Variants in BACH2 observed in about 807,000 individuals in gnomAD.
BACH2 encodes BACH transcriptional regulator 2.
BACH2 carries 5 observed loss-of-function variants against 61.8 expected under a neutral mutation model. The observed-to-expected ratio is 0.08, with a 90% confidence interval of 0.04 to 0.17. The LOEUF (loss-of-function observed/expected upper bound fraction) is 0.17, where lower values mean the gene tolerates loss of function less well. BACH2 is among the 10% of genes least tolerant of loss of function. BACH2 has a pLI of 1.00. For missense variants in BACH2, 824 were observed against 1,091.1 expected (o/e 0.76, Z 3.45); for synonymous variants, 446 against 440.1 (o/e 1.01, Z -0.17).
Position 89,929,776 on chromosome 6 carries a change from A to C in BACH2, c.*2632T>G, listed in dbSNP as rs978725474. 1 of 152,362 alleles carries C rather than the reference A, an allele frequency of 6.6e-6. No homozygotes were observed. Among genetic ancestry groups the C allele is most frequent in the Non-Finnish European group, 1.5e-5 (1 of 68,040 alleles). 9.4% of individuals were successfully genotyped at this position (152,362 alleles called of 1,614,324 possible). On this transcript the variant is annotated 3_prime_UTR_variant, in exon 9 of 9. Coordinates refer to ENST00000257749, the MANE Select transcript of BACH2 (RefSeq NM_021813.4). ...GAATGTGGTCAAGACTACCAGTTGCACATGAGTTGTTACCAGGGTAAACCT... is the reference window on the plus strand; with the variant it reads ...GAATGTGGTCAAGACTACCAGTTGCCCATGAGTTGTTACCAGGGTAAACCT...
In BACH2 at chr6:89,929,426, G is replaced by A. The variant is rs904600230; in HGVS notation, c.*2982C>T. On this transcript the variant is annotated 3_prime_UTR_variant, in exon 9 of 9. Transcript: ENST00000257749. Reference sequence around the variant, plus strand: ...ATCAACCCAGAAATAATTTTGACAAGCACATAGTTCTGAATAGGAAAAGAC... The same window carrying A: ...ATCAACCCAGAAATAATTTTGACAAACACATAGTTCTGAATAGGAAAAGAC... 6.6e-6 allele frequency: 1 copy of A among 152,314 alleles called. No individual in the cohort carries two copies. The highest frequency in any genetic ancestry group is 6.5e-5 in the Admixed American group (1 of 15,272). The allele number at this position is 152,314 out of a possible 1,614,324, so 9.4% of individuals were successfully genotyped here. A position where few individuals can be genotyped will look rare whatever the true frequency, so the allele number is the denominator to read the frequency against.
chr6:89,951,982 G>A lies in BACH2; in HGVS notation c.244-120C>T. 2 of 1,207,044 alleles carry A rather than the reference G, an allele frequency of 1.7e-6. No homozygotes were observed. The highest frequency in any genetic ancestry group is 2.3e-6 in the Non-Finnish European group (2 of 868,460). The allele number at this position is 1,207,044 out of a possible 1,614,324, so 74.8% of individuals were successfully genotyped here. ...GTCCCAGAATAAAGACTGCAAAGGG[G>A]CAGTTAATCTTGTAGTACTGGGTCA... On this transcript the variant is annotated intron_variant, in intron 6 of 8. Transcript: ENST00000257749. This position sits in a 1 kb window ranked among gnomAD's most constrained non-coding sequence, Gnocchi z 6.4.
chr6:89,944,958 T>C (rs1773642709), intron 7 of BACH2, among the ~76,000 whole-genome samples: 1 of 152,042 alleles, frequency 6.6e-6, no homozygotes, highest in Non-Finnish European at 1.5e-5. Context: ...CTATAAACCA[T>C]AATGAGATAA....
chr6:90,073,949 G>A (rs1781360497), intron 5 of BACH2, among the ~76,000 whole-genome samples: 1 of 152,126 alleles, frequency 6.6e-6, no homozygotes, highest in African/African-American at 2.4e-5. Flanking sequence ...AAAGGGACTT[G>A]ACAAAAACGG....
chr6:89,962,292 T>G (rs1026785541), intron 6 of BACH2, among the ~76,000 whole-genome samples: 6 of 152,188 alleles, frequency 3.9e-5, no homozygotes, highest in Admixed American at 3.3e-4. Context: ...TTTTTCTCAC[T>G]TTTCAGTCTT....
chr6:89,987,492 T>C (rs1025367475), intron 6 of BACH2, among the ~76,000 whole-genome samples: 1 of 152,160 alleles, frequency 6.6e-6, no homozygotes, highest in Admixed American at 6.5e-5. Flanking sequence ...GGCAGACTCA[T>C]GGGCACCCTA....
chr6:90,162,512 C>T (rs1248840407), intron 4 of BACH2, among the ~76,000 whole-genome samples: 1 of 152,026 alleles, frequency 6.6e-6, no homozygotes, highest in African/African-American at 2.4e-5. Flanking sequence ...CGTGGTGGCA[C>T]ACACCTGTGG....
At chr6:89,998,368 G>A (rs1177369314) in intron 6 of BACH2, among the ~76,000 whole-genome samples, 2 of 152,156 alleles carry the variant, frequency 1.3e-5, no homozygotes. Context: ...AAAGCTCACC[G>A]CATTACTAGC....
At chr6:90,223,201 C>A (rs1017140047) in intron 3 of BACH2, among the ~76,000 whole-genome samples, 3 of 152,150 alleles carry the variant, frequency 2.0e-5, no homozygotes, top group Admixed American at 6.5e-5. Context: ...TTACTTCCAA[C>A]ACTTAATAAA....
At chr6:90,178,231 A>G (rs1391777527) in intron 4 of BACH2, among the ~76,000 whole-genome samples, 1 of 152,162 alleles carries the variant, frequency 6.6e-6, no homozygotes, top group Non-Finnish European at 1.5e-5. Context: ...CAGCTCTAAC[A>G]CTGAATTTCC....
At chr6:90,207,752 A>T (rs973247395) in intron 3 of BACH2, among the ~76,000 whole-genome samples, 4 of 152,196 alleles carry the variant, frequency 2.6e-5, no homozygotes, top group Admixed American at 2.0e-4. Flanking sequence ...TTATAACCCC[A>T]CAAGCCCACC....
intron 4 of BACH2, among the ~76,000 whole-genome samples, chr6:90,128,698 A>C (rs545072395): frequency 3.4e-4 from 52 of 152,300 alleles, no homozygotes; most frequent in Admixed American, 5.2e-4. Context: ...TTGACCCAGC[A>C]ATCCCATTAC....
chr6:89,935,614 G>A (rs1562305770), intron 8 of BACH2, among the ~76,000 whole-genome samples: 1 of 152,192 alleles, frequency 6.6e-6, no homozygotes, highest in Non-Finnish European at 1.5e-5. Flanking sequence ...TATTTAAGGG[G>A]ATGCCAAAAA....
At chr6:90,071,745 C>T (rs372479796) in intron 5 of BACH2, among the ~76,000 whole-genome samples, 4 of 152,170 alleles carry the variant, frequency 2.6e-5, no homozygotes, top group African/African-American at 7.2e-5. Flanking sequence ...ACTTAATAGC[C>T]GGCTGTTGGC....
chr6:90,072,868 A>C (rs941744574), intron 5 of BACH2, among the ~76,000 whole-genome samples: 2 of 152,172 alleles, frequency 1.3e-5, no homozygotes, highest in Non-Finnish European at 2.9e-5. Flanking sequence ...CATTATTTCC[A>C]ACCCACACTT....
intron 3 of BACH2, among the ~76,000 whole-genome samples, chr6:90,241,457 G>T (rs1384847335): frequency 6.6e-6 from 1 of 152,194 alleles, no homozygotes; most frequent in Non-Finnish European, 1.5e-5. Flanking sequence ...AATGGAGTCA[G>T]ACTGCAAGGG....
intron 6 of BACH2, among the ~76,000 whole-genome samples, chr6:89,993,463 A>C (rs1270202621): frequency 2.0e-5 from 3 of 152,194 alleles, no homozygotes; most frequent in Non-Finnish European, 4.4e-5. Flanking sequence ...ATATTTCTGG[A>C]GGCTCCTGAG....
chr6:89,974,527 G>GA (rs914250107), intron 6 of BACH2, among the ~76,000 whole-genome samples: 3 of 152,286 alleles, frequency 2.0e-5, no homozygotes, highest in African/African-American at 2.4e-5. Context: ...TATCACGGGA[G>GA]AAAAAACGCC....
At chr6:90,243,795 C>A (rs1468957255) in intron 3 of BACH2, among the ~76,000 whole-genome samples, 2 of 152,194 alleles carry the variant, frequency 1.3e-5, no homozygotes, top group Admixed American at 1.3e-4. Context: ...GAACAGTTCC[C>A]CATCTCACCC....
Sources: gnomAD v4.1 joint callset for allele counts (sites outside exome capture counted in the v4.1 genomes callset) on GRCh38, gnomAD v4.1.1 for gene constraint, Gnocchi (gnomAD v3.1) non-coding constraint, MANE v1.5 for transcripts, NCBI Gene and HGNC (gene_info 2026-07-23, HGNC 2026-07-21) for gene names.